CTNND2: variants seen among roughly 807,000 people sequenced by gnomAD.
The protein encoded by CTNND2 is catenin delta-2.
CTNND2 carries 22 observed loss-of-function variants against 144.4 expected under a neutral mutation model. The observed-to-expected ratio is 0.15, with a 90% confidence interval of 0.11 to 0.22. The LOEUF (loss-of-function observed/expected upper bound fraction) is 0.22, where lower values mean the gene tolerates loss of function less well. Among genes scored for constraint, CTNND2 ranks in the 10% least tolerant of loss-of-function variants. CTNND2 has a pLI of 1.00. For synonymous variants in CTNND2, 751 were observed against 695.6 expected (o/e 1.08, Z -1.25); for missense variants, 1,353 against 1,618.8 (o/e 0.84, Z 2.82).
intron 9 of CTNND2, among the ~76,000 whole-genome samples, chr5:11,323,260 G>T (rs1752224855): frequency 1.3e-5 from 2 of 149,104 alleles, no homozygotes; most frequent in Admixed American, 1.3e-4. Context: ...ATATTGCCCA[G>T]GCTGGTCTTG....
chr5:11,358,939 A>T (rs1280772743), intron 8 of CTNND2, among the ~76,000 whole-genome samples: 1 of 152,198 alleles, frequency 6.6e-6, no homozygotes, highest in Non-Finnish European at 1.5e-5. Context: ...TTTGAATAGC[A>T]TTTATCCAAA....
intron 1 of CTNND2, among the ~76,000 whole-genome samples, chr5:11,780,350 GAGT>G (rs779745120): frequency 4.6e-5 from 7 of 152,144 alleles, no homozygotes; most frequent in Non-Finnish European, 1.0e-4. Context: ...CAGCCAATTT[GAGT>G]AGGACTGAGA....
intron 2 of CTNND2, among the ~76,000 whole-genome samples, chr5:11,584,814 G>GT (rs1351852459): frequency 2.6e-5 from 4 of 152,004 alleles, no homozygotes; most frequent in Non-Finnish European, 5.9e-5. Flanking sequence ...GATACGTTTT[G>GT]TTTTTTTGAG....
Position 11,904,014 on chromosome 5 carries a change from G to T in CTNND2, c.-161C>A. On this transcript the variant is annotated 5_prime_UTR_variant, in exon 1 of 22. Transcript: ENST00000304623. This position sits in a 1 kb window ranked among gnomAD's most constrained non-coding sequence, Gnocchi z 4.2. ...GGATGCTGGCGGGCGGCAGGGGCGA[G>T]CGCCGCGGGCGAGAGGCGGCTCCCG... 1 of 760,836 alleles carries T rather than the reference G, an allele frequency of 1.3e-6. No homozygotes were observed. The highest frequency in any genetic ancestry group is 1.8e-6 in the Non-Finnish European group (1 of 570,792). 47.1% of individuals were successfully genotyped at this position (760,836 alleles called of 1,614,324 possible).
intron 3 of CTNND2, among the ~76,000 whole-genome samples, chr5:11,447,827 AAAG>A (rs528521560): frequency 1.9e-3 from 287 of 152,380 alleles, no homozygotes; most frequent in Non-Finnish European, 3.0e-3. Flanking sequence ...AATACATTTC[AAAG>A]AATAGTGGGA....
chr5:11,148,147 G>A (rs1757423753), intron 12 of CTNND2, among the ~76,000 whole-genome samples: 1 of 152,178 alleles, frequency 6.6e-6, no homozygotes, highest in African/African-American at 2.4e-5. Flanking sequence ...AGCACAGACT[G>A]GTAATTGCCA....
chr5:11,459,215 G>A (rs892235438), intron 3 of CTNND2, among the ~76,000 whole-genome samples: 4 of 152,168 alleles, frequency 2.6e-5, no homozygotes, highest in East Asian at 3.8e-4. Flanking sequence ...CATTTACAGA[G>A]TTAAAGAGTT....
At chr5:11,273,633 T>C (rs934257365) in intron 9 of CTNND2, among the ~76,000 whole-genome samples, 1 of 152,238 alleles carries the variant, frequency 6.6e-6, no homozygotes, top group Non-Finnish European at 1.5e-5. Flanking sequence ...GACATTGTAC[T>C]TAATAAGCAT....
intron 2 of CTNND2, among the ~76,000 whole-genome samples, chr5:11,585,111 T>C (rs904124864): frequency 2.0e-5 from 3 of 152,116 alleles, no homozygotes; most frequent in Admixed American, 1.3e-4. Flanking sequence ...TTGTGACATT[T>C]CCATAGCTGG....
At chr5:11,077,807 G>C (rs1749103640) in intron 16 of CTNND2, among the ~76,000 whole-genome samples, 1 of 152,024 alleles carries the variant, frequency 6.6e-6, no homozygotes, top group Non-Finnish European at 1.5e-5. Flanking sequence ...ATGAAGAGAA[G>C]TGTTAAAGTC....
intron 16 of CTNND2, among the ~76,000 whole-genome samples, chr5:11,077,479 G>T (rs1449863653): frequency 6.6e-6 from 1 of 152,322 alleles, no homozygotes; most frequent in Non-Finnish European, 1.5e-5. Flanking sequence ...GGATCTCAGA[G>T]CATGTAATAT....
At chr5:11,484,251 C>G (rs1768584118) in intron 3 of CTNND2, among the ~76,000 whole-genome samples, 1 of 152,210 alleles carries the variant, frequency 6.6e-6, no homozygotes, top group Admixed American at 6.5e-5. Flanking sequence ...AACACCACCT[C>G]CCCATCACCA....
At chr5:11,832,261 C>T (rs1272461591) in intron 1 of CTNND2, among the ~76,000 whole-genome samples, 1 of 150,534 alleles carries the variant, frequency 6.6e-6, no homozygotes, top group East Asian at 2.0e-4. Context: ...CCAGCCCAGG[C>T]AACAGAGCGA....
At chr5:11,200,935 T>C (rs747381617) in intron 10 of CTNND2, among the ~76,000 whole-genome samples, 1 of 152,128 alleles carries the variant, frequency 6.6e-6, no homozygotes, top group Non-Finnish European at 1.5e-5. Flanking sequence ...CGCCTCAGCC[T>C]CCCAAAGTGT....
chr5:11,736,238 G>A (rs561304331), intron 1 of CTNND2, among the ~76,000 whole-genome samples: 3 of 152,200 alleles, frequency 2.0e-5, no homozygotes, highest in East Asian at 3.9e-4. Context: ...AAAAAATATG[G>A]GATTTAATAG....
At chr5:11,668,349 T>A (rs541819473) in intron 2 of CTNND2, among the ~76,000 whole-genome samples, 3 of 152,252 alleles carry the variant, frequency 2.0e-5, no homozygotes, top group Non-Finnish European at 4.4e-5. Context: ...ATCAATTACT[T>A]TGGGCAGTAT....
At chr5:11,295,126 C>T (rs1580822410) in intron 9 of CTNND2, among the ~76,000 whole-genome samples, 2 of 151,740 alleles carry the variant, frequency 1.3e-5, no homozygotes, top group African/African-American at 4.9e-5. Flanking sequence ...TAGGCAACTT[C>T]AGCAAAGTCT....
At chr5:11,157,118 G>A (rs1047030324) in intron 12 of CTNND2, among the ~76,000 whole-genome samples, 3 of 152,168 alleles carry the variant, frequency 2.0e-5, no homozygotes, top group Non-Finnish European at 2.9e-5. Flanking sequence ...ATTGGGCTAC[G>A]ATGCATGTGA....
At chr5:11,565,542 T>C (rs1777019383) in intron 2 of CTNND2, among the ~76,000 whole-genome samples, 1 of 152,144 alleles carries the variant, frequency 6.6e-6, no homozygotes, top group African/African-American at 2.4e-5. Flanking sequence ...ATATTGTAGA[T>C]TGAAGAAAAT....
Sources: gnomAD v4.1 joint callset for allele counts (sites outside exome capture counted in the v4.1 genomes callset) on GRCh38, gnomAD v4.1.1 for gene constraint, Gnocchi (gnomAD v3.1) non-coding constraint, MANE v1.5 for transcripts, NCBI Gene and HGNC (gene_info 2026-07-23, HGNC 2026-07-21) for gene names.